ORC3: variants seen among roughly 807,000 people sequenced by gnomAD.
ORC3 encodes origin recognition complex subunit 3, also known as homolog of latheo, Drosophila.
Under a neutral mutation model 100.7 loss-of-function variants are expected in ORC3, and 78 were observed. The observed-to-expected ratio is 0.77, with a 90% confidence interval of 0.65 to 0.94. The LOEUF (loss-of-function observed/expected upper bound fraction) is 0.94, where lower values mean the gene tolerates loss of function less well. Ranked by LOEUF, ORC3 falls within the 40% of genes least tolerant of loss-of-function variation. The pLI, the probability that ORC3 is intolerant of heterozygous loss-of-function variation, is 0.00. For synonymous variants in ORC3, 295 were observed against 289.3 expected, an observed-to-expected ratio of 1.02 and a Z score of -0.20; for missense variants, 789 against 823.9, an observed-to-expected ratio of 0.96 and a Z score of 0.52.
At chr6:87,596,144 T>C (rs1439822002) in intron 2 of ORC3, among the ~76,000 whole-genome samples, 1 of 149,954 alleles carries the variant, frequency 6.7e-6, no homozygotes, top group African/African-American at 2.5e-5. Flanking sequence ...CCAGCCTAAT[T>C]TGTTTGTTTG....
chr6:87,667,687 G>C (rs1209890118), downstream of ORC3, among the ~76,000 whole-genome samples: 1 of 151,676 alleles, frequency 6.6e-6, no homozygotes, highest in Non-Finnish European at 1.5e-5. Flanking sequence ...CCAGCACTTT[G>C]AGAGGCCAAG....
chr6:87,634,796 TC>T, intron 11 of ORC3, 48 bp from the exon 12 acceptor site: 1 of 907,328 alleles, frequency 1.1e-6, no homozygotes, highest in Non-Finnish European at 1.8e-6. Context: ...ATTATTATGC[TC>T]TTTTATTAGC....
chr6:87,634,991 T>C (rs770848426), intron 12 of ORC3, 30 bp downstream of exon 12: 1 of 1,076,784 alleles, frequency 9.3e-7, no homozygotes, highest in Non-Finnish European at 1.4e-6. Flanking sequence ...TTGTAATCCA[T>C]GAAGTAGGAA....
At position 87,665,844 on chromosome 6, in the gene ORC3, A is replaced by T; in HGVS notation, c.2030+11A>T. 6.5e-7 allele frequency: 1 copy of T among 1,537,330 alleles called. No individual in the cohort carries two copies. The highest frequency in any genetic ancestry group is 9.0e-7 in the Non-Finnish European group (1 of 1,111,418). ...GAATGAAATTATCCAGTATCCTTTT[A>T]AAACCATTTCTACAATGTCCAACTA... On this transcript the variant is annotated intron_variant, in intron 19 of 19. Transcript: ENST00000392844.
At chr6:87,627,297 C>G (rs1353883958) in intron 11 of ORC3, among the ~76,000 whole-genome samples, 1 of 113,430 alleles carries the variant, frequency 8.8e-6, no homozygotes, top group Non-Finnish European at 1.8e-5. Context: ...CCGCGCCCAG[C>G]TTTTTTTTTT....
intron 17 of ORC3, 132 bp downstream of exon 17, chr6:87,663,276 T>C: frequency 1.6e-6 from 1 of 611,124 alleles, no homozygotes. Context: ...GTCTCATATA[T>C]TTTTAAAAAT....
chr6:87,647,363 G>A (rs1244212541), intron 13 of ORC3, among the ~76,000 whole-genome samples: 1 of 151,858 alleles, frequency 6.6e-6, no homozygotes, highest in Admixed American at 6.6e-5. Flanking sequence ...TGGAACCTTT[G>A]CACCCATTGT....
downstream of ORC3, among the ~76,000 whole-genome samples, chr6:87,668,538 C>A (rs888791916): frequency 6.6e-6 from 1 of 152,162 alleles, no homozygotes; most frequent in Non-Finnish European, 1.5e-5. Flanking sequence ...CCTGCATAAT[C>A]AAACCTCCTT....
intron 17 of ORC3, 86 bp downstream of exon 17, chr6:87,663,230 T>A: frequency 1.9e-6 from 2 of 1,066,298 alleles, no homozygotes; most frequent in South Asian, 1.7e-5. Flanking sequence ...GCAGTTATGT[T>A]TTAATGAGCA....
chr6:87,636,168 C>T (rs1043419122), intron 12 of ORC3, among the ~76,000 whole-genome samples: 2 of 151,974 alleles, frequency 1.3e-5, no homozygotes, highest in African/African-American at 4.8e-5. Flanking sequence ...TTCTGACCTC[C>T]TGATCCGCCC....
chr6:87,654,931 G>A (rs948240202), intron 14 of ORC3, among the ~76,000 whole-genome samples: 18 of 152,176 alleles, frequency 1.2e-4, no homozygotes, highest in Admixed American at 4.6e-4. Flanking sequence ...TGGGAAGGTC[G>A]AAGATTAAGA....
chr6:87,672,803 T>A, the ORC3 span, among the ~76,000 whole-genome samples: 4 of 152,106 alleles, frequency 2.6e-5, no homozygotes, highest in Non-Finnish European at 5.9e-5. Context: ...AAACCTCCAA[T>A]ATTTATTTTT....
intron 10 of ORC3, 122 bp downstream of exon 10, chr6:87,621,609 TG>T: frequency 1.4e-6 from 1 of 693,600 alleles, no homozygotes; most frequent in East Asian, 3.4e-5. Context: ...TTTTTAATTG[TG>T]GGATTTCCCT....
chr6:87,594,260 TAAAAAAG>T, intron 1 of ORC3, 86 bp from the exon 2 acceptor site: 1 of 817,178 alleles, frequency 1.2e-6, no homozygotes. Flanking sequence ...CATCTTTTTT[TAAAAAAG>T]TGCTTACCCA....
At chr6:87,633,178 A>T (rs1688547237) in intron 11 of ORC3, among the ~76,000 whole-genome samples, 1 of 152,242 alleles carries the variant, frequency 6.6e-6, no homozygotes, top group Admixed American at 6.5e-5. Flanking sequence ...AGTAGCATGC[A>T]GTGTGATTAC....
At chr6:87,643,530 C>T (rs7757941) in intron 13 of ORC3, among the ~76,000 whole-genome samples, 5 of 152,036 alleles carry the variant, frequency 3.3e-5, no homozygotes, top group African/African-American at 1.2e-4. Context: ...CAAATTGGCT[C>T]GAAAACTGGA....
intron 13 of ORC3, among the ~76,000 whole-genome samples, chr6:87,638,420 A>C (rs1004313968): frequency 6.6e-6 from 1 of 152,212 alleles, no homozygotes; most frequent in East Asian, 1.9e-4. Context: ...TATTTAACTC[A>C]TGAGAGAAAA....
chr6:87,594,045 T>C (rs1777243260), intron 1 of ORC3, among the ~76,000 whole-genome samples: 1 of 152,250 alleles, frequency 6.6e-6, no homozygotes, highest in African/African-American at 2.4e-5. Flanking sequence ...ATGGAACCTT[T>C]CTGGGCTTAA....
At chr6:87,653,273 TTC>T (rs774723417) in intron 14 of ORC3, 24 bp downstream of exon 14, 38 of 1,606,098 alleles carry the variant, frequency 2.4e-5, no homozygotes, top group Non-Finnish European at 3.1e-5. Context: ...ATCCTTCCAA[TTC>T]TATTGGCCAT....
Sources: gnomAD v4.1 joint callset for allele counts (sites outside exome capture counted in the v4.1 genomes callset) on GRCh38, gnomAD v4.1.1 for gene constraint, MANE v1.5 for transcripts, NCBI Gene and HGNC (gene_info 2026-07-23, HGNC 2026-07-21) for gene names.